Variants in WDR49 observed in about 807,000 individuals in gnomAD.
WDR49 encodes WD repeat domain 49.
Under a neutral mutation model 119.5 loss-of-function variants are expected in WDR49, and 107 were observed. That is an observed-to-expected ratio of 0.90 (90% CI 0.77 to 1.05). The LOEUF is 1.05. Ranked by LOEUF, WDR49 falls within the 50% of genes least tolerant of loss-of-function variation. WDR49 has a pLI of 0.00. For missense variants in WDR49, 1,240 were observed against 1,220.5 expected (o/e 1.02, Z -0.24); for synonymous variants, 425 against 418.8 (o/e 1.01, Z -0.18).
At chr3:167,596,468 C>G (rs1171554696) in intron 7 of WDR49, among the ~76,000 whole-genome samples, 2 of 150,976 alleles carry the variant, frequency 1.3e-5, no homozygotes, top group South Asian at 2.1e-4. Flanking sequence ...TTGGAACCAA[C>G]CCAAATGTCC....
intron 15 of WDR49, among the ~76,000 whole-genome samples, chr3:167,522,869 G>A (rs546560162): frequency 3.3e-5 from 5 of 152,154 alleles, no homozygotes; most frequent in African/African-American, 4.8e-5. Flanking sequence ...CTTTATTTGC[G>A]TGTTACCTCC....
chr3:167,592,322 A>G (rs1715156888), intron 7 of WDR49, among the ~76,000 whole-genome samples: 1 of 151,878 alleles, frequency 6.6e-6, no homozygotes, highest in Admixed American at 6.6e-5. Context: ...TAATCTTTCT[A>G]CTTCAGATAA....
At chr3:167,588,014 C>T (rs1253498926) in intron 7 of WDR49, among the ~76,000 whole-genome samples, 2 of 152,052 alleles carry the variant, frequency 1.3e-5, no homozygotes, top group Non-Finnish European at 2.9e-5. Flanking sequence ...ACTATAGTCA[C>T]TCTGTTGTGC....
At chr3:167,650,034 T>C (rs1158733535) in intron 2 of WDR49, among the ~76,000 whole-genome samples, 1 of 152,116 alleles carries the variant, frequency 6.6e-6, no homozygotes, top group Non-Finnish European at 1.5e-5. Flanking sequence ...AGGTCCAATG[T>C]TAAACCATCA....
chr3:167,622,061 C>T (rs1299126523), intron 3 of WDR49, among the ~76,000 whole-genome samples: 1 of 152,052 alleles, frequency 6.6e-6, no homozygotes, highest in Non-Finnish European at 1.5e-5. Flanking sequence ...GTAGCTTTAT[C>T]TGAAGTCAGA....
chr3:167,485,048 A>T (rs1193896822), intron 18 of WDR49, among the ~76,000 whole-genome samples: 1 of 152,214 alleles, frequency 6.6e-6, no homozygotes, highest in Non-Finnish European at 1.5e-5. Context: ...TTGCAGGGAC[A>T]TGGATGAAGC....
At chr3:167,606,973 C>T (rs1029605909) in intron 5 of WDR49, among the ~76,000 whole-genome samples, 12 of 152,172 alleles carry the variant, frequency 7.9e-5, no homozygotes, top group Non-Finnish European at 1.2e-4. Flanking sequence ...GGTTCTATGA[C>T]GCAGGGACAG....
intron 10 of WDR49, among the ~76,000 whole-genome samples, chr3:167,553,873 A>G (rs1320104414): frequency 6.6e-6 from 1 of 151,384 alleles, no homozygotes. Flanking sequence ...ATTAGAAAAA[A>G]CTCTTCCCTG....
rs1157192795 is a variant in WDR49, at chr3:167,531,168, T to C, written c.2165A>G (p.Asn722Ser). 2 of 1,612,370 alleles carry C rather than the reference T, an allele frequency of 1.2e-6. No individual in the cohort carries two copies. Among genetic ancestry groups the C allele is most frequent in the Non-Finnish European group, 1.7e-6 (2 of 1,179,516 alleles). Residue 722 changes from asparagine (N) to serine (S), a missense_variant, in exon 13 of 19, where the codon AAT becomes AGT. Coordinates refer to ENST00000682715, the MANE Select transcript of WDR49 (RefSeq NM_001366157.1). Reference sequence around the variant, plus strand: ...AAGAAAGCAAAGTCTCATAACAGCATTTTTGCCCTCAGTGTCAATCTCAAA... The same window carrying C: ...AAGAAAGCAAAGTCTCATAACAGCACTTTTGCCCTCAGTGTCAATCTCAAA... ...RNFEIDTEGK[N>S]AVMRLCFLKA...
chr3:167,626,796 C>A, intron 3 of WDR49, 56 bp downstream of exon 3: 1 of 1,207,024 alleles, frequency 8.3e-7, no homozygotes, highest in Non-Finnish European at 1.0e-6. Flanking sequence ...AGGAGCCCTG[C>A]CCCATAAGTT....
At position 167,527,956 on chromosome 3, in the gene WDR49, A is replaced by G. The variant is rs761538457; in HGVS notation, c.2468T>C (p.Phe823Ser). The change falls in exon 15 of 19, where the codon TTC becomes TCC. Residue 823 changes from phenylalanine (F) to serine (S), a missense_variant. Physicochemically the swap from Phe to Ser is radical, Grantham distance 155 (BLOSUM62 -2). Transcript: ENST00000682715. ...ITKAPTLIRS[F>S]QPHEDRISSL... ...ACTTATTCGGTCCTCATGAGGTTGG[A>G]ATGATCTTATCAGAGTTGGGGCCTT... 1 of 1,613,354 alleles carries G rather than the reference A, an allele frequency of 6.2e-7. No homozygotes were observed. The highest frequency in any genetic ancestry group is 1.1e-5 in the South Asian group (1 of 91,056).
At chr3:167,536,199 C>T (rs959738075) in intron 11 of WDR49, among the ~76,000 whole-genome samples, 1 of 151,938 alleles carries the variant, frequency 6.6e-6, no homozygotes, top group Admixed American at 6.6e-5. Context: ...GTATTGTATA[C>T]TTCAAAATAG....
At chr3:167,550,629 T>A (rs1165511659) in intron 10 of WDR49, among the ~76,000 whole-genome samples, 1 of 151,948 alleles carries the variant, frequency 6.6e-6, no homozygotes, top group Non-Finnish European at 1.5e-5. Flanking sequence ...TATACAAATA[T>A]CAAGACATCA....
intron 2 of WDR49, among the ~76,000 whole-genome samples, chr3:167,635,387 T>TAAAG (rs1717563853): frequency 2.0e-5 from 3 of 151,908 alleles, no homozygotes; most frequent in African/African-American, 7.2e-5. Flanking sequence ...TAAAGTATAG[T>TAAAG]TCTATTAGTA....
chr3:167,519,640 G>A (rs1322455329), intron 16 of WDR49, among the ~76,000 whole-genome samples: 1 of 151,986 alleles, frequency 6.6e-6, no homozygotes, highest in Non-Finnish European at 1.5e-5. Flanking sequence ...GTCCAGGGGT[G>A]GGGGATGGGG....
intron 16 of WDR49, 136 bp downstream of exon 16, chr3:167,522,179 C>T: frequency 1.2e-6 from 1 of 805,920 alleles, no homozygotes; most frequent in Non-Finnish European, 1.8e-6. Flanking sequence ...ACGCACCTAC[C>T]AATCCCCCAA....
At chr3:167,622,648 G>A (rs1420794026) in intron 3 of WDR49, among the ~76,000 whole-genome samples, 4 of 152,026 alleles carry the variant, frequency 2.6e-5, no homozygotes, top group Non-Finnish European at 5.9e-5. Context: ...TACTTTCAAT[G>A]ATGGATACAA....
intron 16 of WDR49, among the ~76,000 whole-genome samples, chr3:167,508,279 G>A (rs1374224890): frequency 1.3e-5 from 2 of 152,200 alleles, no homozygotes; most frequent in Non-Finnish European, 2.9e-5. Flanking sequence ...CATGATGCTT[G>A]TTGGACAGGC....
intron 10 of WDR49, among the ~76,000 whole-genome samples, chr3:167,546,777 T>C (rs189274569): frequency 4.2e-4 from 64 of 151,812 alleles, no homozygotes; most frequent in African/African-American, 1.5e-3. Context: ...CCCAAACTTA[T>C]CATGTAAAAA....
Sources: gnomAD v4.1 joint callset for allele counts (sites outside exome capture counted in the v4.1 genomes callset) on GRCh38, gnomAD v4.1.1 for gene constraint, MANE v1.5 for transcripts, NCBI Gene and HGNC (gene_info 2026-07-23, HGNC 2026-07-21) for gene names.